The following C3orf70 variants were observed in gnomAD, a reference collection of about 807,000 sequenced individuals.
The protein encoded by C3orf70 is chromosome 3 open reading frame 70.
C3orf70 carries 15 observed loss-of-function variants against 20.7 expected under a neutral mutation model. The observed-to-expected ratio is 0.72, with a 90% CI of 0.48 to 1.11. C3orf70 has a LOEUF of 1.11. Among genes scored for constraint, C3orf70 ranks in the 50% most tolerant of loss-of-function variants. The probability of loss-of-function intolerance (pLI) is 0.00; values close to 1 mark genes in which losing one functional copy is unlikely to be tolerated. For synonymous variants in C3orf70, 161 were observed against 125.7 expected (o/e 1.28, Z -1.88); for missense variants, 332 against 317.6 (o/e 1.05, Z -0.34).
intron 1 of C3orf70, among the ~76,000 whole-genome samples, chr3:185,140,134 G>T (rs531311091): frequency 6.6e-6 from 1 of 152,126 alleles, no homozygotes; most frequent in Non-Finnish European, 1.5e-5. Flanking sequence ...TCACACCCTG[G>T]GAATACTATA....
chr3:185,123,310 GA>G (rs1716344739), intron 1 of C3orf70, among the ~76,000 whole-genome samples: 1 of 151,544 alleles, frequency 6.6e-6, no homozygotes, highest in Non-Finnish European at 1.5e-5. Context: ...ATTTGTGAAA[GA>G]TAAATTTCTT....
intron 1 of C3orf70, among the ~76,000 whole-genome samples, chr3:185,096,058 T>A (rs1046221562): frequency 6.6e-6 from 1 of 152,164 alleles, no homozygotes; most frequent in Admixed American, 6.5e-5. Flanking sequence ...TTAATAACCA[T>A]AATAAACACA....
intron 1 of C3orf70, among the ~76,000 whole-genome samples, chr3:185,139,567 T>A (rs1716703121): frequency 2.3e-5 from 3 of 132,694 alleles, no homozygotes; most frequent in Non-Finnish European, 3.4e-5. Context: ...AAAAAAAAAA[T>A]TCAGTCTACC....
intron 1 of C3orf70, among the ~76,000 whole-genome samples, chr3:185,141,680 C>A (rs1561367511): frequency 6.6e-6 from 1 of 152,060 alleles, no homozygotes; most frequent in Non-Finnish European, 1.5e-5. Context: ...TATGTTTCCA[C>A]TAACATTCTG....
intron 1 of C3orf70, among the ~76,000 whole-genome samples, chr3:185,129,113 TAC>T (rs901166594): frequency 2.0e-5 from 3 of 152,170 alleles, no homozygotes; most frequent in Non-Finnish European, 4.4e-5. Context: ...TTTTTAAAAT[TAC>T]AGTTTTTATT....
In C3orf70 at chr3:185,077,357, G is replaced by A. The variant is rs554893586; in HGVS notation, c.*5650C>T. Among the ~76,000 whole-genome samples the A allele has an allele frequency of 4.5e-4, 69 of 152,218 alleles. No individual in the cohort carries two copies. The highest frequency in any genetic ancestry group is 3.1e-3 in the South Asian group (15 of 4,824). ...CAAACCCTGACTGCCACTCATGTAC[G>A]AGCTGTGCCACACTGGGTAAAGATG... is the stretch of plus-strand genomic sequence containing the variant. On this transcript the variant is annotated 3_prime_UTR_variant, in exon 2 of 2. Transcript: ENST00000335012.
chr3:185,144,021 AG>A (rs1716808485), intron 1 of C3orf70, among the ~76,000 whole-genome samples: 1 of 151,934 alleles, frequency 6.6e-6, no homozygotes, highest in Non-Finnish European at 1.5e-5. Context: ...CTCAACACAT[AG>A]GAACTATTAC....
At chr3:185,128,793 G>A (rs889669500) in intron 1 of C3orf70, among the ~76,000 whole-genome samples, 14 of 152,098 alleles carry the variant, frequency 9.2e-5, no homozygotes, top group Non-Finnish European at 1.9e-4. Context: ...TATCAAACGC[G>A]CTTCTGTGAA....
intron 1 of C3orf70, among the ~76,000 whole-genome samples, chr3:185,111,272 CAA>C (rs1716067264): frequency 6.6e-6 from 1 of 151,940 alleles, no homozygotes; most frequent in Non-Finnish European, 1.5e-5. Context: ...CATTGTGCTT[CAA>C]AAGATACCAT....
chr3:185,112,366 C>G (rs1332961603), intron 1 of C3orf70, among the ~76,000 whole-genome samples: 3 of 152,182 alleles, frequency 2.0e-5, no homozygotes, highest in Non-Finnish European at 4.4e-5. Context: ...GGTTGAGTGA[C>G]TGGTCATTTG....
intron 1 of C3orf70, among the ~76,000 whole-genome samples, chr3:185,119,179 C>T (rs1716241487): frequency 2.6e-5 from 4 of 152,170 alleles, no homozygotes; most frequent in Admixed American, 6.5e-5. Flanking sequence ...CATTTGCCCA[C>T]ATTTTAGTAC....
At chr3:185,086,286 G>C (rs1457610332) in intron 1 of C3orf70, among the ~76,000 whole-genome samples, 1 of 151,928 alleles carries the variant, frequency 6.6e-6, no homozygotes, top group African/African-American at 2.4e-5. Flanking sequence ...CTCATCCAAA[G>C]CTCTGTTTTT....
At chr3:185,119,195 G>A (rs768789643) in intron 1 of C3orf70, among the ~76,000 whole-genome samples, 10 of 152,114 alleles carry the variant, frequency 6.6e-5, no homozygotes, top group Non-Finnish European at 1.0e-4. Flanking sequence ...AGTACTATGA[G>A]GTTGCCTCTC....
intron 1 of C3orf70, among the ~76,000 whole-genome samples, chr3:185,093,773 T>TG (rs1240988145): frequency 3.4e-5 from 5 of 148,194 alleles, no homozygotes; most frequent in African/African-American, 1.2e-4. Flanking sequence ...GCAACAATAA[T>TG]GGGGGGCGGG....
At chr3:185,136,464 C>T (rs558919753) in intron 1 of C3orf70, among the ~76,000 whole-genome samples, 1 of 152,234 alleles carries the variant, frequency 6.6e-6, no homozygotes, top group Non-Finnish European at 1.5e-5. Flanking sequence ...TGGCTCACGC[C>T]TCAATCCCAG....
chr3:185,131,762 T>TA (rs1455947742), intron 1 of C3orf70, among the ~76,000 whole-genome samples: 1 of 152,218 alleles, frequency 6.6e-6, no homozygotes, highest in Admixed American at 6.5e-5. Flanking sequence ...ACTTTGAGGA[T>TA]ATTTGCTGGG....
intron 1 of C3orf70, among the ~76,000 whole-genome samples, chr3:185,132,218 G>A (rs1468847312): frequency 6.6e-6 from 1 of 152,126 alleles, no homozygotes; most frequent in Admixed American, 6.5e-5. Context: ...AATGAGCAAG[G>A]CATTTAGTAA....
intron 1 of C3orf70, among the ~76,000 whole-genome samples, chr3:185,142,338 G>A (rs1041933396): frequency 3.3e-5 from 5 of 152,074 alleles, no homozygotes; most frequent in African/African-American, 1.2e-4. Flanking sequence ...TGCTTCTGTG[G>A]CCCCAGCCAC....
chr3:185,139,186 GA>G (rs755719641), intron 1 of C3orf70, among the ~76,000 whole-genome samples: 26 of 151,340 alleles, frequency 1.7e-4, no homozygotes, highest in Non-Finnish European at 3.5e-4. Flanking sequence ...GAGAAGGGGA[GA>G]GGGGGGAGGA....
Sources: allele counts gnomAD v4.1 joint callset (sites outside exome capture counted in the v4.1 genomes callset), GRCh38; gene constraint gnomAD v4.1.1; transcripts MANE v1.5; gene names NCBI Gene and HGNC (gene_info 2026-07-23, HGNC 2026-07-21).